The following DRC11 variants were observed in gnomAD, a reference collection of about 807,000 sequenced individuals.
DRC11 encodes the protein dynein regulatory complex subunit 11.
the DRC11 span, among the ~76,000 whole-genome samples, chr2:236,348,816 A>G: frequency 0.15 from 22,324 of 152,118 alleles, 2,181 homozygotes; most frequent in Non-Finnish European, 0.22. This position sits in a 1 kb window ranked among gnomAD's most constrained non-coding sequence, Gnocchi z 7.4. Context: ...AGGTTCCCAA[A>G]GACCCTGCCC....
the DRC11 span, among the ~76,000 whole-genome samples, chr2:236,491,158 A>AGTATATATATATATATATATATACACACT: frequency 1.3e-5 from 1 of 79,560 alleles, no homozygotes; most frequent in East Asian, 2.8e-4. Flanking sequence ...ATATACACAC[A>AGTATATATATATATATATATATACACACT]GTATATATAT....
At chr2:236,408,481 C>T in the DRC11 span, 30 of 737,750 alleles carry the variant, frequency 4.1e-5, no homozygotes, top group South Asian at 1.5e-4. This position sits in a 1 kb window ranked among gnomAD's most constrained non-coding sequence, Gnocchi z 5.5. Context: ...TAGCCTCTCC[C>T]GGCCCCAGTC....
At chr2:236,447,240 C>T in the DRC11 span, among the ~76,000 whole-genome samples, 3 of 151,608 alleles carry the variant, frequency 2.0e-5, no homozygotes, top group Non-Finnish European at 4.4e-5. This position sits in a 1 kb window ranked among gnomAD's most constrained non-coding sequence, Gnocchi z 4.6. Flanking sequence ...CCTCAGGATG[C>T]GACCAGGTTG....
At chr2:236,467,795 G>GA in the DRC11 span, among the ~76,000 whole-genome samples, 1 of 151,968 alleles carries the variant, frequency 6.6e-6, no homozygotes, top group Admixed American at 6.6e-5. Context: ...CAATTACTTG[G>GA]AAAAAAACAT....
the DRC11 span, among the ~76,000 whole-genome samples, chr2:236,316,855 C>T: frequency 6.6e-6 from 1 of 152,192 alleles, no homozygotes; most frequent in African/African-American, 2.4e-5. This position sits in a 1 kb window ranked among gnomAD's most constrained non-coding sequence, Gnocchi z 6.8. Context: ...AACTTGGTGG[C>T]ACTGCGACCA....
the DRC11 span, among the ~76,000 whole-genome samples, chr2:236,464,681 T>C: frequency 6.6e-6 from 1 of 152,166 alleles, no homozygotes; most frequent in Admixed American, 6.5e-5. Flanking sequence ...AAATCTCATG[T>C]TGAAATGTGA....
the DRC11 span, among the ~76,000 whole-genome samples, chr2:236,412,115 C>T: frequency 3.9e-5 from 6 of 152,114 alleles, no homozygotes; most frequent in East Asian, 1.9e-4. Flanking sequence ...AGGCTGGTCT[C>T]GAACTTCTGG....
At chr2:236,478,288 AT>A in the DRC11 span, among the ~76,000 whole-genome samples, 1 of 152,084 alleles carries the variant, frequency 6.6e-6, no homozygotes, top group Non-Finnish European at 1.5e-5. The surrounding 1 kb of genome is among the most constrained non-coding windows in gnomAD (Gnocchi z 5.9). Flanking sequence ...TTTCCTCTTA[AT>A]TTCTTCATTG....
At chr2:236,453,931 C>G in the DRC11 span, among the ~76,000 whole-genome samples, 2 of 152,168 alleles carry the variant, frequency 1.3e-5, no homozygotes, top group African/African-American at 4.8e-5. The surrounding 1 kb of genome is among the most constrained non-coding windows in gnomAD (Gnocchi z 4.9). Flanking sequence ...CATGAGCCAC[C>G]GTGCCCGGCC....
the DRC11 span, among the ~76,000 whole-genome samples, chr2:236,313,340 C>T: frequency 2.0e-5 from 3 of 152,100 alleles, no homozygotes; most frequent in African/African-American, 7.2e-5. The surrounding 1 kb of genome is among the most constrained non-coding windows in gnomAD (Gnocchi z 4.5). Flanking sequence ...AAATGCAACA[C>T]TGGTTTAACC....
At chr2:236,401,620 G>A in the DRC11 span, among the ~76,000 whole-genome samples, 325 of 152,310 alleles carry the variant, frequency 2.1e-3, 1 homozygote, top group African/African-American at 7.4e-3. This position sits in a 1 kb window ranked among gnomAD's most constrained non-coding sequence, Gnocchi z 4.6. Context: ...CACGGGCTAC[G>A]GAGCGGAGGA....
chr2:236,343,858 G>T, the DRC11 span: 1 of 694,310 alleles, frequency 1.4e-6, no homozygotes, highest in Non-Finnish European at 2.3e-6. This position sits in a 1 kb window ranked among gnomAD's most constrained non-coding sequence, Gnocchi z 6.6. Flanking sequence ...AAAAGATTGA[G>T]CTTCCACTCT....
the DRC11 span, among the ~76,000 whole-genome samples, chr2:236,353,495 G>A: frequency 1.3e-5 from 2 of 152,146 alleles, no homozygotes; most frequent in African/African-American, 4.8e-5. This position sits in a 1 kb window ranked among gnomAD's most constrained non-coding sequence, Gnocchi z 5.0. Context: ...GTTTCGGCAT[G>A]CATGGGTTAT....
the DRC11 span, among the ~76,000 whole-genome samples, chr2:236,358,309 A>C: frequency 3.0e-4 from 40 of 132,742 alleles, 1 homozygote; most frequent in South Asian, 8.5e-3. Context: ...TATAATATAT[A>C]GATATATACT....
At chr2:236,449,476 T>G in the DRC11 span, among the ~76,000 whole-genome samples, 4 of 152,184 alleles carry the variant, frequency 2.6e-5, no homozygotes, top group Non-Finnish European at 5.9e-5. The surrounding 1 kb of genome is among the most constrained non-coding windows in gnomAD (Gnocchi z 5.1). Flanking sequence ...TGCCATTTCC[T>G]TATCGTACCT....
the DRC11 span, among the ~76,000 whole-genome samples, chr2:236,357,651 AAT>A: frequency 2.6e-3 from 321 of 125,634 alleles, 2 homozygotes; most frequent in African/African-American, 9.8e-3. Context: ...TAAATATATA[AAT>A]TATATTCATA....
chr2:236,359,341 C>T, the DRC11 span, among the ~76,000 whole-genome samples: 1 of 152,132 alleles, frequency 6.6e-6, no homozygotes, highest in Non-Finnish European at 1.5e-5. The surrounding 1 kb of genome is among the most constrained non-coding windows in gnomAD (Gnocchi z 4.3). Context: ...TAAAATAAAT[C>T]CTCCAAACAC....
the DRC11 span, among the ~76,000 whole-genome samples, chr2:236,346,044 C>A: frequency 6.6e-6 from 1 of 152,186 alleles, no homozygotes; most frequent in South Asian, 2.1e-4. Context: ...ACGCCTGGGC[C>A]GGCTGCATTC....
the DRC11 span, among the ~76,000 whole-genome samples, chr2:236,315,845 G>A: frequency 8.5e-5 from 13 of 152,206 alleles, no homozygotes; most frequent in South Asian, 2.1e-4. This position sits in a 1 kb window ranked among gnomAD's most constrained non-coding sequence, Gnocchi z 5.1. Flanking sequence ...GGGGCCTGTC[G>A]GAGGGCGGCG....
Sources: allele counts gnomAD v4.1 joint callset (sites outside exome capture counted in the v4.1 genomes callset), GRCh38; gene constraint gnomAD v4.1.1; non-coding constraint Gnocchi (gnomAD v3.1); transcripts MANE v1.5; gene names NCBI Gene and HGNC (gene_info 2026-07-23, HGNC 2026-07-21).